CDHR3: variants seen among roughly 807,000 people sequenced by gnomAD.
CDHR3 encodes the protein cadherin-related family member 3.
Under a neutral mutation model 86.6 loss-of-function variants are expected in CDHR3, and 79 were observed. The observed-to-expected ratio is 0.91, with a 90% confidence interval of 0.76 to 1.10. The LOEUF (loss-of-function observed/expected upper bound fraction) is 1.10. Among genes scored for constraint, CDHR3 ranks in the 50% least tolerant of loss-of-function variants. CDHR3 has a pLI of 0.00. For synonymous variants in CDHR3, 421 were observed against 402.4 expected (o/e 1.05, Z -0.55); for missense variants, 1,081 against 1,077.6 (o/e 1.00, Z -0.04).
At position 106,024,706 on chromosome 7, in the gene CDHR3, G is replaced by T. The variant is rs1283739840; in HGVS notation, c.2258+144G>T. ...TGAAGGCAGGAAAAGGAGATACGGG[G>T]GAAGGAATCCCAGCTCCCCTCGGTC... On this transcript the variant is annotated intron_variant, in intron 15 of 18. Transcript: ENST00000317716. 2.7e-5 allele frequency: 22 copies of T among 808,560 alleles called. No individual in the cohort carries two copies. In the East Asian group the frequency reaches 5.4e-4, roughly 20 times the overall value. 50.1% of individuals were successfully genotyped at this position (808,560 alleles called of 1,614,324 possible). A position where few individuals can be genotyped will look rare whatever the true frequency, so the allele number is the denominator to read the frequency against.
chr7:105,976,290 A>G (rs1216378296), intron 2 of CDHR3, among the ~76,000 whole-genome samples: 2 of 152,176 alleles, frequency 1.3e-5, no homozygotes, highest in Non-Finnish European at 2.9e-5. Context: ...CTCAAAACAT[A>G]AGGATTGTAT....
chr7:106,022,481 C>T lies in CDHR3; in HGVS notation c.2076+33C>T, dbSNP rs766933840. ...CTTTAGGACCTGGAATCCCCAGGCA[C>T]ATTCCCTTGTGAGTTATGTTGATGG... On this transcript the variant is annotated intron_variant, in intron 14 of 18. Coordinates refer to ENST00000317716, the MANE Select transcript of CDHR3 (RefSeq NM_152750.5). The T allele has an allele frequency of 1.9e-6, 3 of 1,603,694 alleles. No homozygotes were observed. In the African/African-American group the frequency reaches 4.0e-5, roughly 21 times the overall value.
intron 1 of CDHR3, among the ~76,000 whole-genome samples, chr7:105,966,391 G>A (rs1380146121): frequency 6.6e-6 from 1 of 152,174 alleles, no homozygotes; most frequent in African/African-American, 2.4e-5. Flanking sequence ...GAGTTTGTCC[G>A]CAAGCTCTGG....
At chr7:105,984,048 G>T in intron 3 of CDHR3, 144 bp from the exon 4 acceptor site, 1 of 479,646 alleles carries the variant, frequency 2.1e-6, no homozygotes, top group Non-Finnish European at 3.8e-6. Flanking sequence ...CAGTGGTCTT[G>T]CTCATGGATT....
chr7:106,024,370 T>C lies in CDHR3; in HGVS notation c.2077-11T>C, dbSNP rs781099410. ...CCCTCTACTCACCCTCCCTGCTCTC[T>C]GTTGTTCAAGCCCAGGGTCACCTAT... On this transcript the variant is annotated splice_polypyrimidine_tract_variant and intron_variant, in intron 14 of 18. Transcript: ENST00000317716. The C allele has an allele frequency of 4.6e-5, 75 of 1,613,266 alleles. No homozygotes were observed. Among genetic ancestry groups the C allele is most frequent in the Non-Finnish European group, 6.2e-5 (73 of 1,179,412 alleles).
intron 8 of CDHR3, chr7:106,004,913 C>G (rs927618718): frequency 1.2e-5 from 7 of 565,356 alleles, no homozygotes; most frequent in Non-Finnish European, 2.2e-5. Context: ...TGTTCACTTT[C>G]TTACTCTTAA....
At chr7:106,002,056 A>G (rs1833278354) in intron 7 of CDHR3, among the ~76,000 whole-genome samples, 1 of 151,990 alleles carries the variant, frequency 6.6e-6, no homozygotes, top group Non-Finnish European at 1.5e-5. Context: ...TGGGGTCATC[A>G]TTGGTTACCA....
intron 8 of CDHR3, among the ~76,000 whole-genome samples, chr7:106,009,638 G>A (rs1834469330): frequency 6.6e-6 from 1 of 152,170 alleles, no homozygotes; most frequent in Non-Finnish European, 1.5e-5. Context: ...AGGGAGGAGG[G>A]CGGCGTGGAG....
chr7:105,983,921 A>G (rs940847967), intron 3 of CDHR3, among the ~76,000 whole-genome samples: 2 of 152,050 alleles, frequency 1.3e-5, no homozygotes, highest in Admixed American at 1.3e-4. Flanking sequence ...CCCCACCTCA[A>G]ACAGCATCAC....
At chr7:105,997,903 G>A (rs1331104417) in intron 6 of CDHR3, among the ~76,000 whole-genome samples, 2 of 151,816 alleles carry the variant, frequency 1.3e-5, no homozygotes, top group South Asian at 2.1e-4. Flanking sequence ...AACATATTGG[G>A]CTCCATCCCC....
At chr7:105,973,842 C>G (rs1368438900) in intron 1 of CDHR3, among the ~76,000 whole-genome samples, 2 of 152,168 alleles carry the variant, frequency 1.3e-5, no homozygotes, top group African/African-American at 4.8e-5. Flanking sequence ...TGGAGCACAC[C>G]TGTAATCACA....
intron 16 of CDHR3, among the ~76,000 whole-genome samples, chr7:106,027,371 T>A (rs1837519477): frequency 6.7e-6 from 1 of 149,672 alleles, no homozygotes; most frequent in African/African-American, 2.5e-5. Flanking sequence ...CACTCCAGAC[T>A]GGGCGACATA....
intron 7 of CDHR3, among the ~76,000 whole-genome samples, chr7:106,003,693 C>T (rs915300175): frequency 1.3e-5 from 2 of 152,138 alleles, no homozygotes; most frequent in Non-Finnish European, 1.5e-5. Context: ...AAAAGGACGT[C>T]CAGCCTTAGA....
At chr7:105,984,829 T>G (rs187841854) in intron 4 of CDHR3, among the ~76,000 whole-genome samples, 1 of 152,036 alleles carries the variant, frequency 6.6e-6, no homozygotes, top group African/African-American at 2.4e-5. Context: ...AATCCCAAGA[T>G]AGGAGGATGG....
chr7:106,015,091 C>T lies in CDHR3; in HGVS notation c.1225-20C>T. ...AGGATTGTTTAATCTGTATAATCTACTATCTCTGTTTTAATCTAGCTGATT... is the reference window on the plus strand; with the variant it reads ...AGGATTGTTTAATCTGTATAATCTATTATCTCTGTTTTAATCTAGCTGATT... On this transcript the variant is annotated intron_variant, in intron 9 of 18. Coordinates refer to ENST00000317716, the MANE Select transcript of CDHR3 (RefSeq NM_152750.5). 6.4e-7 allele frequency: 1 copy of T among 1,556,898 alleles called. No individual in the cohort carries two copies. Among genetic ancestry groups the T allele is most frequent in the Non-Finnish European group, 8.8e-7 (1 of 1,139,688 alleles).
chr7:105,991,154 T>C (rs574088124), intron 4 of CDHR3, among the ~76,000 whole-genome samples: 1 of 152,334 alleles, frequency 6.6e-6, no homozygotes, highest in East Asian at 1.9e-4. Flanking sequence ...TTCATTCTAT[T>C]TAATTTCTGT....
At position 105,984,701 on chromosome 7, in the gene CDHR3, TA is replaced by T. The variant is rs369676463; in HGVS notation, c.513+416del. On this transcript the variant is annotated intron_variant, in intron 4 of 18. Coordinates refer to ENST00000317716, the MANE Select transcript of CDHR3 (RefSeq NM_152750.5). ...AAAAACCAGCTCTATTTTAAAAGCATAAAATGTACACCCCAAATCCAAGCAT... is the reference window on the plus strand; with the variant it reads ...AAAAACCAGCTCTATTTTAAAAGCATAAATGTACACCCCAAATCCAAGCAT... 1.8e-4 allele frequency among the ~76,000 whole-genome samples: 28 copies of T among 152,214 alleles called. No homozygotes were observed. The East Asian group carries it at 4.4e-3, about 24-fold the overall frequency.
intron 1 of CDHR3, among the ~76,000 whole-genome samples, chr7:105,965,562 G>GCCCCA (rs1826756770): frequency 1.8e-5 from 1 of 56,306 alleles, no homozygotes; most frequent in African/African-American, 4.3e-5. Context: ...CCCAACTCAA[G>GCCCCA]CCCCACCCCC....
chr7:106,017,610 A>AC (rs1835861192), intron 11 of CDHR3, among the ~76,000 whole-genome samples: 7 of 116,548 alleles, frequency 6.0e-5, no homozygotes, highest in Middle Eastern at 4.7e-3. Context: ...CACACACACA[A>AC]AGATATAAAT....
Sources: allele counts gnomAD v4.1 joint callset (sites outside exome capture counted in the v4.1 genomes callset), GRCh38; gene constraint gnomAD v4.1.1; transcripts MANE v1.5; gene names NCBI Gene and HGNC (gene_info 2026-07-23, HGNC 2026-07-21).